PLCB1: variants seen among roughly 807,000 people sequenced by gnomAD.
PLCB1 encodes phospholipase C beta 1, also known as 1-phosphatidylinositol 4,5-bisphosphate phosphodiesterase beta-1.
A neutral mutation model predicts 161.8 loss-of-function variants in PLCB1; 46 were observed. The observed-to-expected ratio is 0.28, with a 90% confidence interval of 0.22 to 0.36. The LOEUF is 0.36. Ranked by LOEUF, PLCB1 falls within the 10% of genes least tolerant of loss-of-function variation. The probability of loss-of-function intolerance (pLI) is 1.00; values close to 1 mark genes in which losing one functional copy is unlikely to be tolerated. For synonymous variants in PLCB1, 517 were observed against 503.7 expected (o/e 1.03, Z -0.35); for missense variants, 1,016 against 1,472.5 (o/e 0.69, Z 5.07).
At chr20:8,261,142 G>T (rs1600270028) in intron 2 of PLCB1, among the ~76,000 whole-genome samples, 2 of 152,002 alleles carry the variant, frequency 1.3e-5, no homozygotes, top group East Asian at 3.9e-4. Context: ...CTTTTAGAGG[G>T]TTCTTCTGAG....
intron 2 of PLCB1, among the ~76,000 whole-genome samples, chr20:8,159,491 G>A (rs2123047670): frequency 6.6e-6 from 1 of 152,236 alleles, no homozygotes; most frequent in South Asian, 2.1e-4. Context: ...TTTCCCCATT[G>A]TCTTGAGGAT....
intron 3 of PLCB1, among the ~76,000 whole-genome samples, chr20:8,623,246 G>A (rs1019251301): frequency 2.6e-5 from 4 of 151,996 alleles, no homozygotes; most frequent in East Asian, 3.9e-4. Context: ...GAACTCCAGG[G>A]AACTTTTAGC....
intron 27 of PLCB1, among the ~76,000 whole-genome samples, chr20:8,787,489 A>G (rs1346106568): frequency 6.6e-6 from 1 of 152,200 alleles, no homozygotes; most frequent in Admixed American, 6.5e-5. Flanking sequence ...TTTTTGGGAA[A>G]GAGAATCTCC....
chr20:8,812,042 A>G (rs1469287183), intron 31 of PLCB1, among the ~76,000 whole-genome samples: 2 of 151,990 alleles, frequency 1.3e-5, no homozygotes, highest in African/African-American at 2.4e-5. Context: ...AGGGATTACA[A>G]GAGAGGAAGG....
intron 2 of PLCB1, among the ~76,000 whole-genome samples, chr20:8,213,047 T>C (rs1978919411): frequency 6.6e-6 from 1 of 152,114 alleles, no homozygotes; most frequent in South Asian, 2.1e-4. Context: ...ACCTTTGAGA[T>C]TGCACACCAT....
At chr20:8,305,579 G>A (rs759686894) in intron 2 of PLCB1, 5 of 152,176 alleles carry the variant, frequency 3.3e-5, no homozygotes, top group Non-Finnish European at 5.9e-5. Flanking sequence ...TGTGGTAAAG[G>A]CATGATGAGT....
chr20:8,221,242 G>A (rs925122169), intron 2 of PLCB1, among the ~76,000 whole-genome samples: 1 of 151,976 alleles, frequency 6.6e-6, no homozygotes, highest in East Asian at 1.9e-4. Context: ...AAAAAGAAAG[G>A]TGACGGTTTT....
rs113322639 is a variant in PLCB1, at chr20:8,549,340, C to T, written c.247-78954C>T. 6.9e-3 allele frequency among the ~76,000 whole-genome samples: 1,053 copies of T among 152,234 alleles called. 11 individuals carry two copies. The highest frequency in any genetic ancestry group is 0.024 in the African/African-American group (991 of 41,532). Reference sequence around the variant, plus strand: ...CATTTTTTAGCCAATTACTAATTAACAGAGGACTAGTTCAGGACTCATTGG... The same window carrying T: ...CATTTTTTAGCCAATTACTAATTAATAGAGGACTAGTTCAGGACTCATTGG... On this transcript the variant is annotated intron_variant, in intron 3 of 31. Transcript: ENST00000338037.
At chr20:8,215,375 T>C (rs1265824952) in intron 2 of PLCB1, among the ~76,000 whole-genome samples, 1 of 151,830 alleles carries the variant, frequency 6.6e-6, no homozygotes, top group Non-Finnish European at 1.5e-5. Flanking sequence ...CTAGGATGCT[T>C]GGGGAGCATC....
chr20:8,416,488 G>T (rs529913428), intron 3 of PLCB1, among the ~76,000 whole-genome samples: 1 of 152,102 alleles, frequency 6.6e-6, no homozygotes, highest in Non-Finnish European at 1.5e-5. Context: ...AGCTGCGGGG[G>T]GTGCAAAGGT....
intron 4 of PLCB1, among the ~76,000 whole-genome samples, chr20:8,639,329 G>C (rs1375058675): frequency 1.3e-5 from 2 of 152,216 alleles, no homozygotes; most frequent in African/African-American, 4.8e-5. Context: ...ATCTCAGATT[G>C]TTCTCCCCAA....
chr20:8,298,294 C>CAAAA (rs11474417), intron 2 of PLCB1, among the ~76,000 whole-genome samples: 13 of 113,064 alleles, frequency 1.1e-4, no homozygotes, highest in African/African-American at 3.0e-4. Flanking sequence ...GACTATGTCT[C>CAAAA]AAAAAAAAAA....
chr20:8,267,495 T>C (rs2743176), intron 2 of PLCB1, among the ~76,000 whole-genome samples: 5,828 of 152,186 alleles, frequency 0.038, 361 homozygotes, highest in African/African-American at 0.13. Flanking sequence ...CAGCTCTGCC[T>C]CATTCACTTT....
In PLCB1 at chr20:8,171,005, A is replaced by T. The variant is rs187743986; in HGVS notation, c.177+20634A>T. Reference sequence around the variant, plus strand: ...TTAAAATAAATCTGCAAATCACATTATTTTCTATTCTGATTCTCCCACTTA... The same window carrying T: ...TTAAAATAAATCTGCAAATCACATTTTTTTCTATTCTGATTCTCCCACTTA... On this transcript the variant is annotated intron_variant, in intron 2 of 31. Transcript: ENST00000338037. Among the ~76,000 whole-genome samples, 3 of 152,244 alleles carry T rather than the reference A, an allele frequency of 2.0e-5. No individual in the cohort carries two copies. In the East Asian group the frequency reaches 5.8e-4, roughly 29 times the overall value.
intron 31 of PLCB1, among the ~76,000 whole-genome samples, chr20:8,800,221 C>T (rs578174996): frequency 2.0e-5 from 3 of 152,194 alleles, no homozygotes; most frequent in Non-Finnish European, 4.4e-5. Flanking sequence ...TTGCCAAGAA[C>T]AGCATTACAG....
intron 3 of PLCB1, among the ~76,000 whole-genome samples, chr20:8,446,075 G>T (rs1450719388): frequency 6.6e-6 from 1 of 152,008 alleles, no homozygotes; most frequent in Non-Finnish European, 1.5e-5. Context: ...GCATCATCCT[G>T]ATACCAAAGC....
At chr20:8,841,615 G>T (rs1986506321) in intron 31 of PLCB1, among the ~76,000 whole-genome samples, 2 of 152,176 alleles carry the variant, frequency 1.3e-5, no homozygotes, top group Admixed American at 1.3e-4. Flanking sequence ...CTGGCAAGGG[G>T]TATATGTGTG....
At chr20:8,230,636 T>G (rs1979979462) in intron 2 of PLCB1, among the ~76,000 whole-genome samples, 1 of 152,104 alleles carries the variant, frequency 6.6e-6, no homozygotes, top group Admixed American at 6.5e-5. Flanking sequence ...TAATTAAACT[T>G]AATTTACATT....
At position 8,503,049 on chromosome 20, in the gene PLCB1, T is replaced by C. The variant is rs188870310; in HGVS notation, c.247-125245T>C. On this transcript the variant is annotated intron_variant, in intron 3 of 31. Coordinates refer to ENST00000338037, the MANE Select transcript of PLCB1 (RefSeq NM_015192.4). ...GCTATGTGCAGGGACATTTGGCAAC[T>C]GAGTTGACCTTTATCTGGACAATGA... Among the ~76,000 whole-genome samples the C allele has an allele frequency of 2.7e-3, 413 of 152,322 alleles. 2 individuals carry two copies. The highest frequency in any genetic ancestry group is 9.0e-3 in the African/African-American group (376 of 41,576).
Sources: gnomAD v4.1 joint callset for allele counts (sites outside exome capture counted in the v4.1 genomes callset) on GRCh38, gnomAD v4.1.1 for gene constraint, MANE v1.5 for transcripts, NCBI Gene and HGNC (gene_info 2026-07-23, HGNC 2026-07-21) for gene names.